Variants in RASGRF2 observed in about 807,000 individuals in gnomAD.
RASGRF2 encodes the protein Ras protein specific guanine nucleotide releasing factor 2, also known as ras-specific guanine nucleotide-releasing factor 2.
In RASGRF2, 76 loss-of-function variants were observed where a neutral mutation model predicts 151.0. The observed-to-expected ratio is 0.50, with a 90% CI of 0.42 to 0.61. The LOEUF is 0.61. RASGRF2 is among the 20% of genes least tolerant of loss of function. RASGRF2 has a pLI of 0.00. For missense variants in RASGRF2, 1,148 were observed against 1,564.6 expected (o/e 0.73, Z 4.49); for synonymous variants, 504 against 566.5 (o/e 0.89, Z 1.57).
At chr5:81,005,737 T>C (rs570227964) in intron 1 of RASGRF2, among the ~76,000 whole-genome samples, 1 of 152,164 alleles carries the variant, frequency 6.6e-6, no homozygotes, top group African/African-American at 2.4e-5. Flanking sequence ...TATATTTTAT[T>C]TCTTTTGGGT....
chr5:81,027,187 A>G (rs1750065737), intron 1 of RASGRF2, among the ~76,000 whole-genome samples: 1 of 151,560 alleles, frequency 6.6e-6, no homozygotes, highest in Non-Finnish European at 1.5e-5. Flanking sequence ...TGGTGGTTGC[A>G]TGACTTTGTA....
chr5:80,963,998 CGT>C (rs1491463224), intron 1 of RASGRF2, among the ~76,000 whole-genome samples: 2 of 110,974 alleles, frequency 1.8e-5, no homozygotes, highest in Non-Finnish European at 1.8e-5. Flanking sequence ...CAAAAAAATC[CGT>C]TTTTTTTTTT....
At chr5:81,021,559 C>CGTGTGTGT (rs34148067) in intron 1 of RASGRF2, among the ~76,000 whole-genome samples, 1 of 150,058 alleles carries the variant, frequency 6.7e-6, no homozygotes, top group Non-Finnish European at 1.5e-5. Flanking sequence ...ATTGTGCGAG[C>CGTGTGTGT]GTGTGTGTGT....
intron 1 of RASGRF2, among the ~76,000 whole-genome samples, chr5:80,976,192 T>C (rs1174414843): frequency 1.3e-5 from 2 of 152,214 alleles, no homozygotes; most frequent in Non-Finnish European, 2.9e-5. Flanking sequence ...TGTTAATTTT[T>C]ATGAACATTG....
intron 18 of RASGRF2, among the ~76,000 whole-genome samples, chr5:81,182,579 G>C (rs1580386497): frequency 6.6e-6 from 1 of 152,030 alleles, no homozygotes; most frequent in African/African-American, 2.4e-5. Context: ...GTAATCATTT[G>C]GCCTCCACAA....
intron 17 of RASGRF2, among the ~76,000 whole-genome samples, chr5:81,149,530 A>G (rs1284698716): frequency 6.6e-6 from 1 of 152,084 alleles, no homozygotes; most frequent in Non-Finnish European, 1.5e-5. Context: ...TACATTGTAC[A>G]CTACTTGGTG....
chr5:81,024,139 C>T (rs887262591), intron 1 of RASGRF2, among the ~76,000 whole-genome samples: 8 of 151,954 alleles, frequency 5.3e-5, no homozygotes, highest in African/African-American at 1.7e-4. Context: ...CCAGAGTCCT[C>T]AGTCACTGAT....
At chr5:81,128,294 A>G (rs774510605) in intron 17 of RASGRF2, among the ~76,000 whole-genome samples, 10 of 152,182 alleles carry the variant, frequency 6.6e-5, no homozygotes, top group Non-Finnish European at 1.3e-4. Context: ...CTCTCCCCAC[A>G]AAAAAATGGT....
intron 22 of RASGRF2, among the ~76,000 whole-genome samples, chr5:81,211,077 G>A (rs1261438184): frequency 6.6e-6 from 1 of 150,832 alleles, no homozygotes. Flanking sequence ...CCTGGACATC[G>A]AGGCTCCGGT....
rs578034774 is a variant in RASGRF2, at chr5:81,154,860, A to G, written c.2687-25315A>G. On this transcript the variant is annotated intron_variant, in intron 17 of 26. Coordinates refer to ENST00000265080, the MANE Select transcript of RASGRF2 (RefSeq NM_006909.3). The stretch of plus-strand genomic sequence containing the variant: ...TTTTGATATTTTGAGAAACCTCCAC[A>G]CTGGTTTCCATAATGGCTGTACTAA... Among the ~76,000 whole-genome samples the G allele has an allele frequency of 3.9e-5, 6 of 152,240 alleles. No homozygotes were observed. The South Asian group carries it at 1.2e-3, about 32-fold the overall frequency.
At chr5:81,086,746 C>T (rs1752239259) in intron 8 of RASGRF2, 89 bp from the exon 9 acceptor site, 8 of 1,064,040 alleles carry the variant, frequency 7.5e-6, no homozygotes, top group African/African-American at 1.6e-5. Flanking sequence ...AGCTTGCAAC[C>T]GAGCTTCTCA....
At chr5:81,189,573 C>G (rs1755109546) in intron 18 of RASGRF2, among the ~76,000 whole-genome samples, 1 of 151,456 alleles carries the variant, frequency 6.6e-6, no homozygotes, top group African/African-American at 2.4e-5. Context: ...TCACTATAGC[C>G]TTGACCTACC....
chr5:81,083,469 C>T (rs112172912), intron 7 of RASGRF2, among the ~76,000 whole-genome samples: 2,926 of 152,156 alleles, frequency 0.019, 48 homozygotes, highest in Middle Eastern at 0.044. Flanking sequence ...TCCTCCTTCT[C>T]GGCCCTTTTT....
At chr5:81,103,604 A>T (rs252582) in intron 12 of RASGRF2, among the ~76,000 whole-genome samples, 3 of 152,142 alleles carry the variant, frequency 2.0e-5, no homozygotes, top group South Asian at 4.1e-4. Context: ...CTGAAGAAAC[A>T]TACCAAATTC....
At chr5:81,027,713 G>A (rs1371706170) in intron 1 of RASGRF2, among the ~76,000 whole-genome samples, 1 of 152,190 alleles carries the variant, frequency 6.6e-6, no homozygotes, top group Non-Finnish European at 1.5e-5. Flanking sequence ...TGAAAATCTT[G>A]TCAGTCTAAA....
chr5:81,126,159 G>A (rs1411548530), intron 16 of RASGRF2, among the ~76,000 whole-genome samples: 1 of 152,232 alleles, frequency 6.6e-6, no homozygotes, highest in African/African-American at 2.4e-5. Flanking sequence ...CCTGAGCGAG[G>A]AGAAGCAGCG....
At chr5:81,094,743 G>T in intron 11 of RASGRF2, 113 bp from the exon 12 acceptor site, 2 of 1,178,186 alleles carry the variant, frequency 1.7e-6, no homozygotes, top group Non-Finnish European at 2.4e-6. Context: ...TTGCTGAAAT[G>T]AGAGTCCCGA....
chr5:81,058,000 A>ATAAT lies in RASGRF2; in HGVS notation c.396-10007_396-10004dup, dbSNP rs533833649. ...AACAGAAGAAGAACCTGCCTCAAAAATAATTAATTAATTAATTAATTAATT... is the reference window on the plus strand; with the variant it reads ...AACAGAAGAAGAACCTGCCTCAAAAATAATTAATTAATTAATTAATTAATTAATT... On this transcript the variant is annotated intron_variant, in intron 2 of 26. Coordinates refer to ENST00000265080, the MANE Select transcript of RASGRF2 (RefSeq NM_006909.3). Among the ~76,000 whole-genome samples the ATAAT allele has an allele frequency of 3.5e-3, 527 of 152,080 alleles. 3 individuals carry two copies. Among genetic ancestry groups the ATAAT allele is most frequent in the East Asian group, 0.026 (137 of 5,176 alleles).
intron 1 of RASGRF2, among the ~76,000 whole-genome samples, chr5:81,041,549 A>C (rs1750679503): frequency 2.0e-5 from 3 of 152,136 alleles, no homozygotes; most frequent in Admixed American, 2.0e-4. Context: ...TAGAACTGTG[A>C]TCTGAGGACT....
Sources: allele counts gnomAD v4.1 joint callset (sites outside exome capture counted in the v4.1 genomes callset), GRCh38; gene constraint gnomAD v4.1.1; transcripts MANE v1.5; gene names NCBI Gene and HGNC (gene_info 2026-07-23, HGNC 2026-07-21).